The following NRP1 variants were observed in gnomAD, a reference collection of about 807,000 sequenced individuals.
NRP1 encodes neuropilin-1.
A neutral mutation model predicts 106.7 loss-of-function variants in NRP1; 35 were observed. The ratio of observed to expected loss-of-function variants is 0.33; its 90% CI spans 0.25 to 0.43. The LOEUF is 0.43. Ranked by LOEUF, NRP1 falls within the 20% of genes least tolerant of loss-of-function variation. NRP1 has a pLI of 1.00. For synonymous variants in NRP1, 437 were observed against 417.9 expected, an observed-to-expected ratio of 1.05 and a Z score of -0.56; for missense variants, 1,024 against 1,170.4, an observed-to-expected ratio of 0.87 and a Z score of 1.83.
At chr10:33,324,992 G>A (rs115214409) in intron 2 of NRP1, among the ~76,000 whole-genome samples, 1 of 152,244 alleles carries the variant, frequency 6.6e-6, no homozygotes, top group African/African-American at 2.4e-5. Context: ...GTATAAAAAT[G>A]AAGTCACAGA....
chr10:33,214,926 A>G (rs2300953), intron 8 of NRP1, among the ~76,000 whole-genome samples: 46,630 of 152,128 alleles, frequency 0.31, 7,418 homozygotes, highest in East Asian at 0.62. Context: ...ACTTAATGCG[A>G]CAGAATTGTA....
intron 14 of NRP1, 90 bp from the exon 15 acceptor site, chr10:33,185,814 A>C (rs1375067526): frequency 2.7e-6 from 3 of 1,114,442 alleles, no homozygotes; most frequent in Non-Finnish European, 4.0e-6. Flanking sequence ...GCTACGGCAC[A>C]TAAATTAAAT....
intron 8 of NRP1, among the ~76,000 whole-genome samples, chr10:33,215,003 AT>A (rs893096533): frequency 4.3e-4 from 65 of 152,284 alleles, no homozygotes; most frequent in African/African-American, 1.5e-3. Flanking sequence ...AAAGCGGTAA[AT>A]TTTATGTTAT....
intron 2 of NRP1, among the ~76,000 whole-genome samples, chr10:33,302,687 G>A (rs1845883905): frequency 6.6e-6 from 1 of 152,166 alleles, no homozygotes; most frequent in South Asian, 2.1e-4. Context: ...GGCCCTGGCA[G>A]GGGTCCCCTC....
chr10:33,321,665 T>C (rs1442161358), intron 2 of NRP1, among the ~76,000 whole-genome samples: 1 of 152,242 alleles, frequency 6.6e-6, no homozygotes, highest in Non-Finnish European at 1.5e-5. Flanking sequence ...CCTGGGTTGC[T>C]TGTATCTTGC....
intron 6 of NRP1, among the ~76,000 whole-genome samples, chr10:33,235,873 G>A (rs893506192): frequency 6.6e-6 from 1 of 152,132 alleles, no homozygotes; most frequent in East Asian, 1.9e-4. Flanking sequence ...GACATACGCC[G>A]ACCTGTGAAA....
intron 6 of NRP1, among the ~76,000 whole-genome samples, chr10:33,235,142 A>G (rs1261835162): frequency 6.6e-6 from 1 of 152,238 alleles, no homozygotes; most frequent in Non-Finnish European, 1.5e-5. Flanking sequence ...TAAAAAAGAA[A>G]TATTTAATTC....
chr10:33,238,266 A>G (rs1054577818), intron 6 of NRP1, among the ~76,000 whole-genome samples: 6 of 152,202 alleles, frequency 3.9e-5, no homozygotes, highest in African/African-American at 1.4e-4. Flanking sequence ...AAACCTGTCA[A>G]TGAAATGGCA....
Position 33,331,027 on chromosome 10 carries a change from T to G in NRP1, c.74-145A>C, listed in dbSNP as rs1450266020. 1.9e-5 allele frequency: 12 copies of G among 632,250 alleles called. No individual in the cohort carries two copies. In the Admixed American group the frequency reaches 4.0e-4, roughly 21 times the overall value. The allele number at this position is 632,250 out of a possible 1,614,324, so 39.2% of individuals were successfully genotyped here. A position where few individuals can be genotyped will look rare whatever the true frequency, so the allele number is the denominator to read the frequency against. ...TCCCCGTAAGTCCTTCGTGTGGCTC[T>G]GAGTGCAACACTCCAGGAAAAAACA... On this transcript the variant is annotated intron_variant, in intron 1 of 16. Coordinates refer to ENST00000374867, the MANE Select transcript of NRP1 (RefSeq NM_003873.7).
intron 2 of NRP1, among the ~76,000 whole-genome samples, chr10:33,303,138 CA>C (rs1210248294): frequency 6.6e-6 from 1 of 152,164 alleles, no homozygotes; most frequent in Non-Finnish European, 1.5e-5. Flanking sequence ...TGAACCTTGC[CA>C]TGGAAGAGTG....
chr10:33,202,462 TC>T, intron 11 of NRP1: 1 of 700,566 alleles, frequency 1.4e-6, no homozygotes, highest in Admixed American at 3.5e-5. Flanking sequence ...CCTAACTTTA[TC>T]CATTTGTTGG....
In NRP1 at chr10:33,259,091, G is replaced by A. The variant is rs1177679078; in HGVS notation, c.659-2620C>T. Among the ~76,000 whole-genome samples the A allele has an allele frequency of 2.6e-5, 4 of 152,294 alleles. No homozygotes were observed. The South Asian group carries it at 6.2e-4, about 24-fold the overall frequency. On this transcript the variant is annotated intron_variant, in intron 4 of 16. Transcript: ENST00000374867. ...GTGATTGCCCTGTGGAAGCTCAGGC[G>A]GCTGATCCTCCCTGCCACTATCACC...
At chr10:33,268,430 C>T (rs1030581870) in intron 3 of NRP1, among the ~76,000 whole-genome samples, 3 of 152,150 alleles carry the variant, frequency 2.0e-5, no homozygotes, top group Admixed American at 6.5e-5. Flanking sequence ...GCAGTGGATG[C>T]CGTATTGGAT....
At chr10:33,227,351 C>A (rs1839752685) in intron 6 of NRP1, among the ~76,000 whole-genome samples, 1 of 152,154 alleles carries the variant, frequency 6.6e-6, no homozygotes. Flanking sequence ...TAAATGCAGA[C>A]TGAAACGATA....
At chr10:33,198,010 A>C (rs1836918436) in intron 11 of NRP1, among the ~76,000 whole-genome samples, 1 of 151,412 alleles carries the variant, frequency 6.6e-6, no homozygotes, top group African/African-American at 2.4e-5. Context: ...GTTTTGGTAC[A>C]CTTAGTGGAA....
At chr10:33,301,069 G>A (rs1018294152) in intron 2 of NRP1, among the ~76,000 whole-genome samples, 1 of 152,088 alleles carries the variant, frequency 6.6e-6, no homozygotes, top group African/African-American at 2.4e-5. Context: ...CATGGGAGCC[G>A]AACAAAGTCC....
At chr10:33,302,296 T>A (rs1229831581) in intron 2 of NRP1, among the ~76,000 whole-genome samples, 1 of 152,232 alleles carries the variant, frequency 6.6e-6, no homozygotes, top group Non-Finnish European at 1.5e-5. Flanking sequence ...TTCCTGCCCT[T>A]CTGGGTTCCT....
chr10:33,323,358 G>T (rs545699853), intron 2 of NRP1, among the ~76,000 whole-genome samples: 1 of 152,188 alleles, frequency 6.6e-6, no homozygotes, highest in Non-Finnish European at 1.5e-5. Flanking sequence ...TGGGCTTGAT[G>T]AGGAGGAAGA....
chr10:33,191,029 A>C (rs1836373918), intron 13 of NRP1, among the ~76,000 whole-genome samples: 1 of 143,928 alleles, frequency 6.9e-6, no homozygotes, highest in Admixed American at 6.8e-5. Context: ...TTAAAAAAAA[A>C]ATTTATTTTG....
Sources: allele counts gnomAD v4.1 joint callset (sites outside exome capture counted in the v4.1 genomes callset), GRCh38; gene constraint gnomAD v4.1.1; transcripts MANE v1.5; gene names NCBI Gene and HGNC (gene_info 2026-07-23, HGNC 2026-07-21).